The following PLVAP variants were observed in gnomAD, a reference collection of about 807,000 sequenced individuals.
The protein encoded by PLVAP is plasmalemma vesicle associated protein, also known as plasmalemma vesicle-associated protein.
A neutral mutation model predicts 43.1 loss-of-function variants in PLVAP; 34 were observed. The ratio of observed to expected loss-of-function variants is 0.79; its 90% CI spans 0.60 to 1.05. The LOEUF is 1.05. Among genes scored for constraint, PLVAP ranks in the 50% least tolerant of loss-of-function variants. PLVAP has a pLI of 0.00. For synonymous variants in PLVAP, 241 were observed against 237.3 expected, an observed-to-expected ratio of 1.02 and a Z score of -0.14; for missense variants, 574 against 593.4, an observed-to-expected ratio of 0.97 and a Z score of 0.34.
intron 5 of PLVAP, among the ~76,000 whole-genome samples, chr19:17,359,117 ATTATTT>A: frequency 7.0e-6 from 1 of 142,644 alleles, no homozygotes; most frequent in Non-Finnish European, 1.5e-5. Flanking sequence ...TTTTTTATTT[ATTATTT>A]TTATTTTTAT....
chr19:17,361,546 C>A (rs1174609290), intron 3 of PLVAP, among the ~76,000 whole-genome samples: 1 of 152,066 alleles, frequency 6.6e-6, no homozygotes, highest in Non-Finnish European at 1.5e-5. Flanking sequence ...ACTAACTGGA[C>A]CCCGATCCTA....
chr19:17,358,983 A>G (rs10854158), intron 5 of PLVAP, among the ~76,000 whole-genome samples: 91,065 of 151,040 alleles, frequency 0.6, 28,386 homozygotes, highest in African/African-American at 0.78. Flanking sequence ...TATTTTTTGT[A>G]CAGAGGGGGT....
chr19:17,369,352 A>C (rs994665845), intron 1 of PLVAP, among the ~76,000 whole-genome samples: 4 of 149,012 alleles, frequency 2.7e-5, no homozygotes, highest in African/African-American at 4.9e-5. Context: ...TACCTGGCTA[A>C]TTTTTGTATT....
intron 3 of PLVAP, among the ~76,000 whole-genome samples, chr19:17,363,266 C>T (rs962411644): frequency 2.0e-5 from 3 of 151,994 alleles, no homozygotes; most frequent in African/African-American, 4.8e-5. Flanking sequence ...TGGGTTCCGG[C>T]GATTCTCATG....
chr19:17,369,503 C>T (rs955992794), intron 1 of PLVAP, among the ~76,000 whole-genome samples: 1 of 148,846 alleles, frequency 6.7e-6, no homozygotes, highest in African/African-American at 2.4e-5. Flanking sequence ...GGCATGGAAG[C>T]GCATGCTTGT....
intron 1 of PLVAP, among the ~76,000 whole-genome samples, chr19:17,372,748 A>G (rs2074578010): frequency 6.7e-6 from 1 of 148,534 alleles, no homozygotes; most frequent in African/African-American, 2.5e-5. Flanking sequence ...GAGCCACTGC[A>G]CCCGGCCAAT....
chr19:17,375,631 C>T (rs1298691900), intron 1 of PLVAP, among the ~76,000 whole-genome samples: 1 of 151,922 alleles, frequency 6.6e-6, no homozygotes, highest in Non-Finnish European at 1.5e-5. Context: ...CCTGTAATCC[C>T]AGCACTATGG....
chr19:17,364,242 C>T (rs920612384), intron 3 of PLVAP, among the ~76,000 whole-genome samples: 2 of 152,048 alleles, frequency 1.3e-5, no homozygotes, highest in East Asian at 1.9e-4. Context: ...CACGCCGCCA[C>T]GCCCAGCTAA....
At position 17,351,952 on chromosome 19, in the gene PLVAP, T is replaced by C. The variant is rs933099218; in HGVS notation, c.*410A>G. The C allele has an allele frequency of 1.1e-5, 3 of 266,460 alleles. No homozygotes were observed. The highest frequency in any genetic ancestry group is 6.7e-5 in the South Asian group (1 of 14,904). The allele number at this position is 266,460 out of a possible 1,614,324, so 16.5% of individuals were successfully genotyped here. A position where few individuals can be genotyped will look rare whatever the true frequency, so the allele number is the denominator to read the frequency against. On this transcript the variant is annotated 3_prime_UTR_variant, in exon 6 of 6. Transcript: ENST00000252590. ...CATCGCCGCGTCTGTGTGACATTAA[T>C]ATGTGTGACGTCGACATGGCCCGTG... is the stretch of plus-strand genomic sequence containing the variant.
At chr19:17,366,077 TC>T (rs1302267701) in intron 2 of PLVAP, 21 bp downstream of exon 2, 5 of 1,613,818 alleles carry the variant, frequency 3.1e-6, no homozygotes, top group Middle Eastern at 1.7e-4. Context: ...CCACCCCGGC[TC>T]CCTGCAGCCT....
chr19:17,363,776 TC>T (rs1453685571), intron 3 of PLVAP, among the ~76,000 whole-genome samples: 1 of 139,836 alleles, frequency 7.2e-6, no homozygotes, highest in Non-Finnish European at 1.5e-5. Context: ...AGAATTTTGC[TC>T]TGTCACCCAG....
rs771680538 is a variant in PLVAP at position 17,365,441 on chromosome 19, G to A, written c.1024C>T (p.Arg342Trp). 24 of 1,612,904 alleles carry A rather than the reference G, an allele frequency of 1.5e-5. No homozygotes were observed. In the Admixed American group the frequency reaches 1.5e-4, roughly 10 times the overall value. Residue 342 changes from arginine (R) to tryptophan (W), a missense_variant, in exon 3 of 6, where the codon CGG becomes TGG. Physicochemically the swap from Arg to Trp is moderately radical, Grantham distance 101. Coordinates refer to ENST00000252590, the MANE Select transcript of PLVAP (RefSeq NM_031310.3). Reference protein sequence around the residue: ...REAKLQAECSRQTQLALEEKA... With the variant: ...REAKLQAECSWQTQLALEEKA... ...TCCTCCAGCGCTAGCTGGGTCTGCC[G>A]GGAGCATTCAGCTTGGAGCTTGGCC... is the stretch of plus-strand genomic sequence containing the variant.
chr19:17,360,908 CTTTTTCTTTTT>C (rs2074525780), intron 3 of PLVAP, 76 bp from the exon 4 acceptor site: 4 of 1,062,930 alleles, frequency 3.8e-6, no homozygotes, highest in African/African-American at 3.3e-5. Context: ...CTTTTCTTTT[CTTTTTCTTTTT>C]TTTTTTTTTT....
chr19:17,369,801 G>A (rs1170603154), intron 1 of PLVAP, among the ~76,000 whole-genome samples: 2 of 149,908 alleles, frequency 1.3e-5, no homozygotes, highest in Non-Finnish European at 3.0e-5. Flanking sequence ...GGGCATTCGA[G>A]ACCAGCCTGG....
chr19:17,360,359 T>C (rs1475758094), intron 5 of PLVAP, among the ~76,000 whole-genome samples, 169 bp downstream of exon 5: 1 of 152,182 alleles, frequency 6.6e-6, no homozygotes, highest in African/African-American at 2.4e-5. Context: ...TGGGTGTGTC[T>C]TGGATACTGC....
intron 3 of PLVAP, among the ~76,000 whole-genome samples, chr19:17,361,455 A>C (rs2074528211): frequency 6.6e-6 from 1 of 152,024 alleles, no homozygotes; most frequent in African/African-American, 2.4e-5. Flanking sequence ...CTCAGGGTGA[A>C]TCCAGTTCCA....
chr19:17,352,390 AACAC>A (rs1220211587), intron 5 of PLVAP, 22 bp from the exon 6 acceptor site: 1 of 1,612,474 alleles, frequency 6.2e-7, no homozygotes, highest in East Asian at 2.2e-5. Context: ...AGGGGATGGT[AACAC>A]AACAGAGTGT....
rs377245628 is a variant in PLVAP at position 17,369,384 on chromosome 19, C to A, written c.370-3189G>T. 2.9e-4 allele frequency among the ~76,000 whole-genome samples: 40 copies of A among 139,444 alleles called. No individual in the cohort carries two copies. The East Asian group carries it at 8.6e-3, about 30-fold the overall frequency. 91.5% of individuals were successfully genotyped at this position (139,444 alleles called of 152,430 possible). On this transcript the variant is annotated intron_variant, in intron 1 of 5. Coordinates refer to ENST00000252590, the MANE Select transcript of PLVAP (RefSeq NM_031310.3). ...TATTTTTAGTAGAGACAGGGTTTCG[C>A]CATGTTGGCCAGGCTGGTCTCGAAC...
At chr19:17,366,456 AAAAC>A (rs1054606191) in intron 1 of PLVAP, among the ~76,000 whole-genome samples, 37 of 152,302 alleles carry the variant, frequency 2.4e-4, no homozygotes, top group African/African-American at 7.7e-4. Context: ...CCATCTCAAT[AAAAC>A]AAACAAACAA....
Sources: gnomAD v4.1 joint callset for allele counts (sites outside exome capture counted in the v4.1 genomes callset) on GRCh38, gnomAD v4.1.1 for gene constraint, MANE v1.5 for transcripts, NCBI Gene and HGNC (gene_info 2026-07-23, HGNC 2026-07-21) for gene names.